CDC73: variants seen among roughly 807,000 people sequenced by gnomAD.
CDC73 encodes the protein parafibromin.
Under a neutral mutation model 83.7 loss-of-function variants are expected in CDC73, and 21 were observed. The ratio of observed to expected loss-of-function variants is 0.25; its 90% CI spans 0.18 to 0.36. The LOEUF (loss-of-function observed/expected upper bound fraction) is 0.36, where lower values mean the gene tolerates loss of function less well. Ranked by LOEUF, CDC73 falls within the 10% of genes least tolerant of loss-of-function variation. The pLI is 1.00. For missense variants in CDC73, 342 were observed against 653.3 expected (o/e 0.52, Z 5.19); for synonymous variants, 224 against 212.9 (o/e 1.05, Z -0.45).
In CDC73 at chr1:193,149,939, GT is replaced by G. The variant is rs1460164753; in HGVS notation, c.829-361del. The stretch of plus-strand genomic sequence containing the variant: ...AAGGATTAATAATTTGGGTTTTTTT[GT>G]TTTGTTAAAACAATCATAATTGCAG... On this transcript the variant is annotated intron_variant, in intron 8 of 16. Coordinates refer to ENST00000367435, the MANE Select transcript of CDC73 (RefSeq NM_024529.5). Among the ~76,000 whole-genome samples, 7 of 151,994 alleles carry G rather than the reference GT, an allele frequency of 4.6e-5. No individual in the cohort carries two copies. In the East Asian group the frequency reaches 1.4e-3, roughly 29 times the overall value.
rs111242290 is a variant in CDC73, at chr1:193,133,092, C to T, written c.308-2299C>T. 6.1e-3 allele frequency among the ~76,000 whole-genome samples: 921 copies of T among 151,302 alleles called. 14 individuals carry two copies. Among genetic ancestry groups the T allele is most frequent in the Non-Finnish European group, 5.8e-3 (392 of 67,762 alleles). ...AACTTTTTGTATTTTTAGTAGAGAC[C>T]GGGTTTCACTGTGTTAGCCAGGATG... On this transcript the variant is annotated intron_variant, in intron 3 of 16. Transcript: ENST00000367435.
chr1:193,238,555 C>G (rs1677803457), intron 15 of CDC73, among the ~76,000 whole-genome samples: 1 of 152,144 alleles, frequency 6.6e-6, no homozygotes, highest in Non-Finnish European at 1.5e-5. Flanking sequence ...TGCTACTTTT[C>G]CTCTGGTTAT....
chr1:193,151,617 T>A (rs891429170), intron 9 of CDC73, among the ~76,000 whole-genome samples: 9 of 152,220 alleles, frequency 5.9e-5, no homozygotes, highest in African/African-American at 2.2e-4. Context: ...TTTACAACAT[T>A]GCTTTCTATA....
chr1:193,217,064 A>G (rs777798019), intron 13 of CDC73, among the ~76,000 whole-genome samples: 2 of 152,150 alleles, frequency 1.3e-5, no homozygotes, highest in Non-Finnish European at 2.9e-5. Context: ...CCCCTATTCA[A>G]CGTAGTACTG....
intron 7 of CDC73, among the ~76,000 whole-genome samples, chr1:193,145,371 TTGACCAAATAAGATAGCACATTTA>T (rs1675978180): frequency 6.6e-6 from 1 of 152,196 alleles, no homozygotes; most frequent in South Asian, 2.1e-4. Context: ...TCGGTATTCT[TTGACCAAATAAGATAGCACATTTA>T]TGACCAAATA....
intron 10 of CDC73, chr1:193,179,677 G>A (rs1267304091): frequency 6.6e-6 from 1 of 152,338 alleles, no homozygotes; most frequent in Non-Finnish European, 1.5e-5. Flanking sequence ...ATTAATAAAA[G>A]AAAGTATTAA....
intron 10 of CDC73, among the ~76,000 whole-genome samples, chr1:193,156,015 G>C (rs1003780662): frequency 5.9e-5 from 9 of 152,150 alleles, no homozygotes; most frequent in African/African-American, 1.9e-4. Context: ...AAACCATTCA[G>C]TGGGGGAAAT....
intron 15 of CDC73, among the ~76,000 whole-genome samples, chr1:193,239,805 T>C (rs1024472427): frequency 6.6e-6 from 1 of 152,200 alleles, no homozygotes; most frequent in African/African-American, 2.4e-5. Context: ...TTGTTAAGTA[T>C]AGCCTCCTAC....
In CDC73 at chr1:193,251,721, G is replaced by A. The variant is rs527940893; in HGVS notation, c.*1009G>A. ...GTATTTTTATGTCTGTATTCAATATGGTATAAAATATAAAAACTATATTTT... is the reference window on the plus strand; with the variant it reads ...GTATTTTTATGTCTGTATTCAATATAGTATAAAATATAAAAACTATATTTT... On this transcript the variant is annotated 3_prime_UTR_variant, in exon 17 of 17. Coordinates refer to ENST00000367435, the MANE Select transcript of CDC73 (RefSeq NM_024529.5). 59 of 231,624 alleles carry A rather than the reference G, an allele frequency of 2.5e-4. No individual in the cohort carries two copies. The highest frequency in any genetic ancestry group is 6.0e-5 in the Non-Finnish European group (7 of 116,878). 14.3% of individuals were successfully genotyped at this position (231,624 alleles called of 1,614,324 possible). A position where few individuals can be genotyped will look rare whatever the true frequency, so the allele number is the denominator to read the frequency against.
intron 10 of CDC73, 92 bp from the exon 11 acceptor site, chr1:193,203,703 G>T: frequency 9.8e-7 from 1 of 1,024,954 alleles, no homozygotes; most frequent in Non-Finnish European, 1.5e-6. Flanking sequence ...CAGAACAAGA[G>T]ACAGAGAGAT....
At chr1:193,222,564 T>A (rs945551646) in intron 13 of CDC73, among the ~76,000 whole-genome samples, 2 of 152,138 alleles carry the variant, frequency 1.3e-5, no homozygotes, top group African/African-American at 4.8e-5. Flanking sequence ...GTTGTTAGTG[T>A]GATAATCAGT....
chr1:193,189,651 A>C (rs1455327300), intron 10 of CDC73, among the ~76,000 whole-genome samples: 1 of 152,198 alleles, frequency 6.6e-6, no homozygotes, highest in African/African-American at 2.4e-5. Context: ...AGAGCTGTCC[A>C]GGCCGGTTTT....
chr1:193,206,548 C>T (rs749576810), intron 11 of CDC73, among the ~76,000 whole-genome samples: 4 of 152,100 alleles, frequency 2.6e-5, no homozygotes, highest in Non-Finnish European at 5.9e-5. Flanking sequence ...TGGGGTGTAG[C>T]CCAGTTTTGA....
At chr1:193,183,977 T>A (rs1472830724) in intron 10 of CDC73, among the ~76,000 whole-genome samples, 1 of 151,894 alleles carries the variant, frequency 6.6e-6, no homozygotes, top group East Asian at 1.9e-4. Flanking sequence ...TAATTTATGT[T>A]GCTTTTATAA....
At chr1:193,138,321 G>A in intron 6 of CDC73, 148 bp downstream of exon 6, 1 of 683,352 alleles carries the variant, frequency 1.5e-6, no homozygotes, top group African/African-American at 1.8e-5. Flanking sequence ...GAACATGTGT[G>A]GGGATTGGAA....
rs1678017409 is a variant in CDC73 at position 193,249,862 on chromosome 1, C to T, written c.1550C>T (p.Thr517Ile). Residue 517 changes from threonine to isoleucine, a missense_variant, in exon 16 of 17, where the codon ACA becomes ATA. By Grantham distance (89) the Thr-to-Ile change is moderately conservative. Transcript: ENST00000367435. ...CCAGTGTTCTTACGGTTTTGGGAAA[C>T]ATTGGACAGGTAATTCCGATTCTAA... Reference protein sequence around the residue: ...DRPVFLRFWETLDRYMVKHKS... With the variant: ...DRPVFLRFWEILDRYMVKHKS... 3 of 1,612,346 alleles carry T rather than the reference C, an allele frequency of 1.9e-6. No homozygotes were observed. Among genetic ancestry groups the T allele is most frequent in the Non-Finnish European group, 2.5e-6 (3 of 1,178,704 alleles).
chr1:193,222,366 G>A (rs566597935), intron 13 of CDC73, among the ~76,000 whole-genome samples: 1 of 152,192 alleles, frequency 6.6e-6, no homozygotes, highest in Non-Finnish European at 1.5e-5. Context: ...AAGTCACCGG[G>A]AAAGAAACAG....
chr1:193,218,163 C>T (rs1427584765), intron 13 of CDC73, among the ~76,000 whole-genome samples: 1 of 152,180 alleles, frequency 6.6e-6, no homozygotes, highest in Non-Finnish European at 1.5e-5. Context: ...TAGCCACACA[C>T]TCACACATGC....
At chr1:193,150,685 G>C (rs965837048) in intron 9 of CDC73, among the ~76,000 whole-genome samples, 1 of 152,138 alleles carries the variant, frequency 6.6e-6, no homozygotes, top group African/African-American at 2.4e-5. Flanking sequence ...GCCAACCCCT[G>C]GTTAATAGCA....
Sources: allele counts gnomAD v4.1 joint callset (sites outside exome capture counted in the v4.1 genomes callset), GRCh38; gene constraint gnomAD v4.1.1; transcripts MANE v1.5; gene names NCBI Gene and HGNC (gene_info 2026-07-23, HGNC 2026-07-21).